Variants in DGKH observed in about 807,000 individuals in gnomAD.
The protein encoded by DGKH is diacylglycerol kinase eta, also known as DAG kinase eta.
Under a neutral mutation model 159.3 loss-of-function variants are expected in DGKH, and 90 were observed. The observed-to-expected ratio is 0.57, with a 90% CI of 0.48 to 0.67. The LOEUF is 0.67. Among genes scored for constraint, DGKH ranks in the 30% least tolerant of loss-of-function variants. The probability of loss-of-function intolerance (pLI) is 0.00; values close to 1 mark genes in which losing one functional copy is unlikely to be tolerated. For synonymous variants in DGKH, 536 were observed against 553.8 expected (o/e 0.97, Z 0.45); for missense variants, 1,181 against 1,506.1 (o/e 0.78, Z 3.57).
chr13:42,245,164 G>A (rs527330602), downstream of DGKH, among the ~76,000 whole-genome samples: 16 of 152,262 alleles, frequency 1.1e-4, no homozygotes, highest in Admixed American at 9.8e-4. Flanking sequence ...ACAAGCAAGT[G>A]AAATTGACAG....
chr13:42,215,686 G>T lies in DGKH; in HGVS notation c.3213+19G>T, dbSNP rs1957772242. Reference sequence around the variant, plus strand: ...TCCTTTGGTAAGGAAAAGAATGACTGGTAACATAAGAATGATGAATTAAAT... The same window carrying T: ...TCCTTTGGTAAGGAAAAGAATGACTTGTAACATAAGAATGATGAATTAAAT... On this transcript the variant is annotated intron_variant, in intron 26 of 29. Transcript: ENST00000337343. 1.9e-6 allele frequency: 3 copies of T among 1,585,680 alleles called. No individual in the cohort carries two copies. Among genetic ancestry groups the T allele is most frequent in the South Asian group, 1.1e-5 (1 of 88,698 alleles).
chr13:42,230,453 A>C lies in DGKH; in HGVS notation c.*1265A>C, dbSNP rs1167235708. 1 of 152,154 alleles carries C rather than the reference A, an allele frequency of 6.6e-6. No homozygotes were observed. The highest frequency in any genetic ancestry group is 2.4e-5 in the African/African-American group (1 of 41,450). 9.4% of individuals were successfully genotyped at this position (152,154 alleles called of 1,614,324 possible). A position where few individuals can be genotyped will look rare whatever the true frequency, so the allele number is the denominator to read the frequency against. On this transcript the variant is annotated 3_prime_UTR_variant, in exon 30 of 30. Transcript: ENST00000337343. The stretch of plus-strand genomic sequence containing the variant: ...GCTTATTATTAGAAGTCAACATTAC[A>C]ATGATCAAATCTTTGAAAGCCAAAG...
At chr13:42,206,192 T>C in intron 21 of DGKH, 46 bp downstream of exon 21, 1 of 1,222,482 alleles carries the variant, frequency 8.2e-7, no homozygotes, top group Non-Finnish European at 1.1e-6. Flanking sequence ...AATAATTATA[T>C]CACTGGAATA....
At chr13:42,111,733 CA>C (rs1380519908) in intron 1 of DGKH, among the ~76,000 whole-genome samples, 2 of 152,076 alleles carry the variant, frequency 1.3e-5, no homozygotes, top group Non-Finnish European at 1.5e-5. Flanking sequence ...CTTCACTAGA[CA>C]GGGGGAAGCT....
At chr13:42,136,745 A>G (rs1213507098) in intron 3 of DGKH, among the ~76,000 whole-genome samples, 1 of 152,228 alleles carries the variant, frequency 6.6e-6, no homozygotes, top group African/African-American at 2.4e-5. Flanking sequence ...GCACACCCAC[A>G]TGGGCTTACT....
intron 16 of DGKH, among the ~76,000 whole-genome samples, chr13:42,193,161 A>T (rs2138125462): frequency 6.6e-6 from 1 of 152,314 alleles, no homozygotes; most frequent in East Asian, 1.9e-4. Context: ...TACAGCAGAG[A>T]TGACAATGGC....
intron 14 of DGKH, among the ~76,000 whole-genome samples, chr13:42,187,861 T>TG (rs1026137053): frequency 3.9e-5 from 6 of 152,232 alleles, no homozygotes; most frequent in African/African-American, 1.4e-4. Flanking sequence ...TGCTGCTTCT[T>TG]GCATTGCTTT....
At chr13:42,055,515 A>G (rs1345004837) in intron 1 of DGKH, among the ~76,000 whole-genome samples, 1 of 152,224 alleles carries the variant, frequency 6.6e-6, no homozygotes, top group Non-Finnish European at 1.5e-5. Flanking sequence ...CCGTATTTTA[A>G]AGTATCTAAA....
chr13:42,185,099 A>G (rs137958005), intron 13 of DGKH, among the ~76,000 whole-genome samples: 1 of 152,098 alleles, frequency 6.6e-6, no homozygotes, highest in African/African-American at 2.4e-5. Context: ...TTTTTCTCCA[A>G]TTTGCACGTT....
At chr13:42,188,266 A>G (rs1594171681) in intron 14 of DGKH, among the ~76,000 whole-genome samples, 1 of 152,216 alleles carries the variant, frequency 6.6e-6, no homozygotes, top group South Asian at 2.1e-4. Context: ...GGAGATGAAA[A>G]GTATATTGGG....
intron 3 of DGKH, among the ~76,000 whole-genome samples, chr13:42,135,681 T>C (rs761832140): frequency 6.6e-6 from 1 of 152,196 alleles, no homozygotes; most frequent in Non-Finnish European, 1.5e-5. Context: ...TTCATTTTTA[T>C]CTTTAACATA....
chr13:42,251,502 G>A (rs431017), intron 29 of DGKH, among the ~76,000 whole-genome samples: 2 of 151,836 alleles, frequency 1.3e-5, no homozygotes, highest in African/African-American at 4.8e-5. Context: ...TCATCCCTTT[G>A]GTATTAACTG....
Position 42,190,393 on chromosome 13 carries a change from C to T in DGKH, c.1913-10C>T. The T allele has an allele frequency of 6.2e-7, 1 of 1,603,072 alleles. No individual in the cohort carries two copies. The highest frequency in any genetic ancestry group is 1.7e-5 in the Admixed American group (1 of 57,418). On this transcript the variant is annotated splice_polypyrimidine_tract_variant and intron_variant, in intron 15 of 29. Transcript: ENST00000337343. ...CTTATCCAAACTATTTGTCTTCTTA[C>T]TACCTGAAGTTATGGATGACCCGAC... is the stretch of plus-strand genomic sequence containing the variant.
intron 1 of DGKH, among the ~76,000 whole-genome samples, chr13:42,109,710 G>A (rs916114226): frequency 2.6e-5 from 4 of 151,992 alleles, no homozygotes; most frequent in Non-Finnish European, 5.9e-5. Flanking sequence ...GTTTTTTCTA[G>A]TAATTTGCAC....
At chr13:42,215,504 T>C in intron 25 of DGKH, 71 bp from the exon 26 acceptor site, 2 of 1,152,270 alleles carry the variant, frequency 1.7e-6, no homozygotes, top group South Asian at 3.9e-5. Context: ...AAGAATAAAA[T>C]TTAAAGTGTT....
intron 3 of DGKH, among the ~76,000 whole-genome samples, chr13:42,150,925 C>T (rs1257639920): frequency 6.6e-6 from 1 of 151,346 alleles, no homozygotes; most frequent in Admixed American, 6.6e-5. Context: ...GGGCCCAGTG[C>T]AATAAGAGGG....
intron 23 of DGKH, among the ~76,000 whole-genome samples, chr13:42,209,719 C>A (rs1169296618): frequency 6.6e-6 from 1 of 152,062 alleles, no homozygotes; most frequent in African/African-American, 2.4e-5. Flanking sequence ...TCCTCCTCCC[C>A]CTTCTTCCCT....
chr13:42,136,531 T>C (rs1229634510), intron 3 of DGKH, among the ~76,000 whole-genome samples: 1 of 152,246 alleles, frequency 6.6e-6, no homozygotes, highest in Admixed American at 6.5e-5. Context: ...AGGCTAACTC[T>C]TAAATGAGTC....
At chr13:42,091,164 C>G (rs1954410014) in intron 1 of DGKH, among the ~76,000 whole-genome samples, 1 of 151,964 alleles carries the variant, frequency 6.6e-6, no homozygotes. Context: ...GATCAAAGAC[C>G]TAAACATAAG....
Sources: allele counts gnomAD v4.1 joint callset (sites outside exome capture counted in the v4.1 genomes callset), GRCh38; gene constraint gnomAD v4.1.1; transcripts MANE v1.5; gene names NCBI Gene and HGNC (gene_info 2026-07-23, HGNC 2026-07-21).